PCDHGA7: variants seen among roughly 807,000 people sequenced by gnomAD.
PCDHGA7 encodes protocadherin gamma subfamily A, 7.
PCDHGA7 carries 44 observed loss-of-function variants against 58.3 expected under a neutral mutation model. That is an observed-to-expected ratio of 0.75 (90% CI 0.59 to 0.97). The LOEUF (loss-of-function observed/expected upper bound fraction) is 0.97, where lower values mean the gene tolerates loss of function less well. Ranked by LOEUF, PCDHGA7 falls within the 50% of genes least tolerant of loss-of-function variation. The pLI is 0.00. For synonymous variants in PCDHGA7, 516 were observed against 504.2 expected (o/e 1.02, Z -0.31); for missense variants, 1,266 against 1,188.7 (o/e 1.06, Z -0.96).
At chr5:141,395,447 G>T in intron 1 of PCDHGA7, 1 of 645,040 alleles carries the variant, frequency 1.6e-6, no homozygotes, top group South Asian at 2.4e-5. Context: ...GGAAAAGATT[G>T]TTCAACCATT....
rs780671252 is a variant in PCDHGA7, at chr5:141,398,519, C to G, written c.2424+13196C>G. 3.1e-6 allele frequency: 5 copies of G among 1,595,048 alleles called. No homozygotes were observed. The Admixed American group carries it at 6.8e-5, about 22-fold the overall frequency. On this transcript the variant is annotated intron_variant, in intron 1 of 3. Coordinates refer to ENST00000518325, the MANE Select transcript of PCDHGA7 (RefSeq NM_018920.4). ...ATCGAGGACATTAATGACCACACGC[C>G]AAAATTCACGCAAAATTCCTTTGAG...
At chr5:141,453,969 A>T (rs543979166) in intron 1 of PCDHGA7, among the ~76,000 whole-genome samples, 13 of 152,356 alleles carry the variant, frequency 8.5e-5, no homozygotes, top group South Asian at 2.1e-4. Flanking sequence ...CAAAGCATGT[A>T]GTTGTGTTGC....
intron 1 of PCDHGA7, among the ~76,000 whole-genome samples, chr5:141,483,024 G>A (rs1210804345): frequency 6.6e-6 from 1 of 152,094 alleles, no homozygotes; most frequent in Non-Finnish European, 1.5e-5. Context: ...GGCAGAGGTT[G>A]CAATGAGCTG....
At chr5:141,496,285 A>G (rs1003747820) in intron 2 of PCDHGA7, among the ~76,000 whole-genome samples, 1 of 152,210 alleles carries the variant, frequency 6.6e-6, no homozygotes, top group Non-Finnish European at 1.5e-5. Flanking sequence ...AGTTGGTCTG[A>G]GCAGAGTGGG....
intron 1 of PCDHGA7, among the ~76,000 whole-genome samples, chr5:141,438,002 A>G (rs200179547): frequency 1.3e-5 from 2 of 152,072 alleles, no homozygotes; most frequent in East Asian, 1.9e-4. Flanking sequence ...CAGCCTCCCA[A>G]ATAGCTGAGA....
intron 1 of PCDHGA7, chr5:141,409,662 TCTC>T (rs1473145245): frequency 2.5e-6 from 4 of 1,613,562 alleles, no homozygotes; most frequent in Admixed American, 1.7e-5. Context: ...AATGGCCACA[TCTC>T]CTACTCTATA....
chr5:141,413,431 G>C (rs963192857), intron 1 of PCDHGA7: 1 of 1,614,092 alleles, frequency 6.2e-7, no homozygotes, highest in Non-Finnish European at 8.5e-7. Flanking sequence ...CCCGCGCAGC[G>C]GCAGCTTGAT....
intron 1 of PCDHGA7, chr5:141,413,729 GAGTTC>G: frequency 6.2e-7 from 1 of 1,613,496 alleles, no homozygotes; most frequent in Non-Finnish European, 8.5e-7. Flanking sequence ...TTCTCCCTAA[GAGTTC>G]AGAGCCGTGC....
chr5:141,383,106 A>T lies in PCDHGA7; in HGVS notation c.207A>T (p.Arg69Ser), dbSNP rs760790560. The stretch of plus-strand genomic sequence containing the variant: ...AGCGCGGAGTCCGCATCATCTCCAG[A>T]GGTAGGACGCAGCTTTTCGCCCTGA... ...LAERGVRIIS[R>S]GRTQLFALNQ... Residue 69 changes from arginine (R) to serine (S), a missense_variant, in exon 1 of 4, where the codon AGA becomes AGT. Transcript: ENST00000518325. 6.2e-7 allele frequency: 1 copy of T among 1,613,828 alleles called. No individual in the cohort carries two copies. The highest frequency in any genetic ancestry group is 8.5e-7 in the Non-Finnish European group (1 of 1,179,940).
At chr5:141,467,050 G>T (rs6580189) in intron 1 of PCDHGA7, among the ~76,000 whole-genome samples, 42,616 of 146,752 alleles carry the variant, frequency 0.29, 6,868 homozygotes, top group African/African-American at 0.45. Flanking sequence ...ATGAATCAAT[G>T]TTTTCTTTTT....
rs373728953 is a variant in PCDHGA7 at position 141,491,753 on chromosome 5, C to A, written c.2425-3054C>A. The A allele has an allele frequency of 6.3e-7, 1 of 1,585,146 alleles. No homozygotes were observed. The highest frequency in any genetic ancestry group is 8.6e-7 in the Non-Finnish European group (1 of 1,166,912). On this transcript the variant is annotated intron_variant, in intron 1 of 3. Transcript: ENST00000518325. This position sits in a 1 kb window ranked among gnomAD's most constrained non-coding sequence, Gnocchi z 6.9. The stretch of plus-strand genomic sequence containing the variant: ...ACCCCTGGGGGCGGCACTGGAGAAG[C>A]CGCCCGTCCTCATAAGGGATTGAAC...
Position 141,422,497 on chromosome 5 carries a change from A to G in PCDHGA7, c.2424+37174A>G, listed in dbSNP as rs1257927470. 1.9e-6 allele frequency: 3 copies of G among 1,613,874 alleles called. No homozygotes were observed. In the African/African-American group the frequency reaches 4.0e-5, roughly 22 times the overall value. On this transcript the variant is annotated intron_variant, in intron 1 of 3. Transcript: ENST00000518325. Reference sequence around the variant, plus strand: ...GGTCCAGAGCTACAATATAACGTTGACAGCCACAGACCAGGGAAGCCCGCC... The same window carrying G: ...GGTCCAGAGCTACAATATAACGTTGGCAGCCACAGACCAGGGAAGCCCGCC...
chr5:141,451,112 G>A (rs776356458), intron 1 of PCDHGA7, among the ~76,000 whole-genome samples: 9 of 152,236 alleles, frequency 5.9e-5, no homozygotes, highest in Admixed American at 1.3e-4. Flanking sequence ...ACAGGCGTGA[G>A]CCACCACACC....
chr5:141,413,984 C>T (rs898207454), intron 1 of PCDHGA7: 2 of 1,613,300 alleles, frequency 1.2e-6, no homozygotes, highest in African/African-American at 2.7e-5. Flanking sequence ...ACAGTCACAG[C>T]CACCGACAGG....
chr5:141,441,310 C>T (rs2098239133), intron 1 of PCDHGA7: 1 of 152,154 alleles, frequency 6.6e-6, no homozygotes, highest in Non-Finnish European at 1.5e-5. Context: ...AGAAAATGCA[C>T]CTTGAGAAAA....
chr5:141,383,621 T>A lies in PCDHGA7; in HGVS notation c.722T>A (p.Val241Asp). The A allele has an allele frequency of 6.2e-7, 1 of 1,613,880 alleles. No individual in the cohort carries two copies. The highest frequency in any genetic ancestry group is 2.2e-5 in the East Asian group (1 of 44,874). Residue 241 changes from valine to aspartate, a missense_variant, in exon 1 of 4, where the codon GTC becomes GAC. Val to Asp is a radical substitution (Grantham distance 152, BLOSUM62 -3). Transcript: ENST00000518325. Reference sequence around the variant, plus strand: ...GTGGATGTGAATGACCACACGCCTGTCTTCTCTCTGCCTCAGTACCAAGTA... The same window carrying A: ...GTGGATGTGAATGACCACACGCCTGACTTCTCTCTGCCTCAGTACCAAGTA... Reference protein sequence around the residue: ...TVVDVNDHTPVFSLPQYQVTV... With the variant: ...TVVDVNDHTPDFSLPQYQVTV...
intron 1 of PCDHGA7, among the ~76,000 whole-genome samples, chr5:141,445,778 T>G (rs1045010487): frequency 6.6e-6 from 1 of 152,190 alleles, no homozygotes; most frequent in East Asian, 1.9e-4. Context: ...TTAAAAGGGC[T>G]AGGGAGGCTA....
At chr5:141,394,195 T>A (rs930890690) in intron 1 of PCDHGA7, 1 of 1,613,768 alleles carries the variant, frequency 6.2e-7, no homozygotes, top group Non-Finnish European at 8.5e-7. Context: ...TCAGCGTATA[T>A]CCTAGAGAAC....
In PCDHGA7 at chr5:141,404,687, C is replaced by T. The variant is rs190249934; in HGVS notation, c.2424+19364C>T. 2,728 of 1,614,088 alleles carry T rather than the reference C, an allele frequency of 1.7e-3. 3 individuals carry two copies. Among genetic ancestry groups the T allele is most frequent in the Non-Finnish European group, 2.2e-3 (2,615 of 1,179,946 alleles). On this transcript the variant is annotated intron_variant, in intron 1 of 3. Coordinates refer to ENST00000518325, the MANE Select transcript of PCDHGA7 (RefSeq NM_018920.4). ...TGGTTCTACTGGTGTGGAGCTGGCA[C>T]CCCGCTCTGCAGAGCCTGGCTACCT...
Sources: gnomAD v4.1 joint callset for allele counts (sites outside exome capture counted in the v4.1 genomes callset) on GRCh38, gnomAD v4.1.1 for gene constraint, Gnocchi (gnomAD v3.1) non-coding constraint, MANE v1.5 for transcripts, NCBI Gene and HGNC (gene_info 2026-07-23, HGNC 2026-07-21) for gene names.